The following NBAS variants were observed in gnomAD, a reference collection of about 807,000 sequenced individuals.
NBAS encodes NBAS subunit of NRZ tethering complex, also known as NAG/BC035112 fusion.
A neutral mutation model predicts 302.5 loss-of-function variants in NBAS; 219 were observed. That is an observed-to-expected ratio of 0.72 (90% CI 0.65 to 0.81). The LOEUF (loss-of-function observed/expected upper bound fraction) is 0.81, where lower values mean the gene tolerates loss of function less well. NBAS is among the 30% of genes least tolerant of loss of function. The probability of loss-of-function intolerance (pLI) is 0.00; values close to 1 mark genes in which losing one functional copy is unlikely to be tolerated. For missense variants in NBAS, 2,932 were observed against 2,841.6 expected (o/e 1.03, Z -0.72); for synonymous variants, 1,118 against 1,021.6 (o/e 1.09, Z -1.80).
chr2:15,475,853 T>A lies in NBAS; in HGVS notation c.1175A>T (p.Asp392Val). The A allele has an allele frequency of 3.7e-6, 6 of 1,613,914 alleles. No individual in the cohort carries two copies. Among genetic ancestry groups the A allele is most frequent in the Non-Finnish European group, 5.1e-6 (6 of 1,179,862 alleles). ...KDKESFYPLI[D>V]VNWWADSAVT... ...TGCACTGTCTGCCCACCAATTGACA[T>A]CTATCAGTGGGTAAAAGGACTCTTT... Residue 392 changes from aspartate (D) to valine (V), a missense_variant, in exon 14 of 52, where the codon GAT becomes GTT. Asp to Val is a radical substitution (Grantham distance 152). Transcript: ENST00000281513.
At chr2:15,541,501 T>C (rs1173681172) in intron 6 of NBAS, among the ~76,000 whole-genome samples, 1 of 152,088 alleles carries the variant, frequency 6.6e-6, no homozygotes, top group Non-Finnish European at 1.5e-5. Context: ...TTCTAGGGAA[T>C]ATATGGGGAA....
At chr2:15,412,537 T>G (rs1268079753) in intron 25 of NBAS, among the ~76,000 whole-genome samples, 3 of 152,354 alleles carry the variant, frequency 2.0e-5, no homozygotes, top group Non-Finnish European at 2.9e-5. Context: ...GATACAGAAA[T>G]AACTGCACCT....
chr2:14,784,689 G>A, the NBAS span, among the ~76,000 whole-genome samples: 2 of 152,064 alleles, frequency 1.3e-5, no homozygotes, highest in East Asian at 3.9e-4. Context: ...TCTCTGTTTT[G>A]GTACCAGTAC....
chr2:15,237,130 T>A (rs1667630716), intron 45 of NBAS, among the ~76,000 whole-genome samples: 1 of 152,220 alleles, frequency 6.6e-6, no homozygotes, highest in Admixed American at 6.5e-5. Flanking sequence ...GCAAATGGAA[T>A]ATTATTCATA....
chr2:15,199,119 T>C (rs1333412592), intron 48 of NBAS, among the ~76,000 whole-genome samples: 6 of 97,248 alleles, frequency 6.2e-5, no homozygotes, highest in Admixed American at 3.0e-4. Flanking sequence ...AGAGTAAGAC[T>C]CCATCTCAAA....
At chr2:15,438,261 G>A (rs1678131054) in intron 21 of NBAS, among the ~76,000 whole-genome samples, 1 of 152,160 alleles carries the variant, frequency 6.6e-6, no homozygotes, top group Non-Finnish European at 1.5e-5. Context: ...ACACCATGAG[G>A]TGGCTGGTGG....
chr2:15,401,174 T>C (rs942297499), intron 26 of NBAS, among the ~76,000 whole-genome samples: 2 of 152,078 alleles, frequency 1.3e-5, no homozygotes, highest in Non-Finnish European at 1.5e-5. Context: ...TACTTTGGTA[T>C]CATGCAAATA....
the NBAS span, among the ~76,000 whole-genome samples, chr2:15,032,360 T>C: frequency 1.2e-4 from 19 of 152,294 alleles, no homozygotes; most frequent in Admixed American, 1.2e-3. Flanking sequence ...AAATGAGGAT[T>C]GTATAACTGA....
intron 21 of NBAS, among the ~76,000 whole-genome samples, chr2:15,434,534 TA>T (rs1409835798): frequency 6.6e-6 from 1 of 152,198 alleles, no homozygotes; most frequent in Non-Finnish European, 1.5e-5. Context: ...GTCTCCCAAA[TA>T]AAACACTTAG....
chr2:15,050,528 T>G, the NBAS span, among the ~76,000 whole-genome samples: 11 of 152,078 alleles, frequency 7.2e-5, no homozygotes, highest in African/African-American at 2.7e-4. Context: ...ACACATGAAA[T>G]GGGATACTGA....
chr2:15,160,602 G>A, the NBAS span, among the ~76,000 whole-genome samples: 2 of 122,496 alleles, frequency 1.6e-5, no homozygotes, highest in Non-Finnish European at 3.4e-5. Flanking sequence ...AGGGGGGGGG[G>A]CAGGAGGCTG....
At chr2:14,971,744 C>G in the NBAS span, among the ~76,000 whole-genome samples, 1 of 152,148 alleles carries the variant, frequency 6.6e-6, no homozygotes, top group African/African-American at 2.4e-5. Flanking sequence ...CGGTGACTCA[C>G]CATGCTTGTG....
Position 15,427,703 on chromosome 2 carries a change from A to G in NBAS, c.2423+8T>C. On this transcript the variant is annotated splice_region_variant and intron_variant, in intron 22 of 51. Coordinates refer to ENST00000281513, the MANE Select transcript of NBAS (RefSeq NM_015909.4). ...AAACAAAGATGCCTCCTGCAGGCTC[A>G]TACTGACCTGCAAGCCAACTCCTCG... 6.2e-7 allele frequency: 1 copy of G among 1,603,234 alleles called. No individual in the cohort carries two copies. Among genetic ancestry groups the G allele is most frequent in the Non-Finnish European group, 8.5e-7 (1 of 1,171,972 alleles).
At chr2:14,874,088 C>T in the NBAS span, among the ~76,000 whole-genome samples, 2 of 151,902 alleles carry the variant, frequency 1.3e-5, no homozygotes, top group Non-Finnish European at 2.9e-5. Context: ...ACACAAACTA[C>T]TAATATAGAG....
chr2:15,533,526 C>T (rs1253401546), intron 9 of NBAS, among the ~76,000 whole-genome samples: 2 of 152,016 alleles, frequency 1.3e-5, no homozygotes, highest in Admixed American at 1.3e-4. Context: ...ATTCCATTTA[C>T]GTGAAGTCAA....
the NBAS span, among the ~76,000 whole-genome samples, chr2:14,907,027 G>T: frequency 2.6e-5 from 4 of 152,116 alleles, no homozygotes; most frequent in Admixed American, 2.6e-4. Flanking sequence ...CATGCCTGTC[G>T]CCCACTTCCT....
chr2:15,201,476 G>C (rs1665875388), intron 48 of NBAS, among the ~76,000 whole-genome samples: 1 of 152,142 alleles, frequency 6.6e-6, no homozygotes, highest in Non-Finnish European at 1.5e-5. Context: ...ACCAAAACCA[G>C]TCATAAGCTG....
intron 31 of NBAS, among the ~76,000 whole-genome samples, chr2:15,373,270 A>T (rs1674573696): frequency 6.6e-6 from 1 of 152,214 alleles, no homozygotes; most frequent in South Asian, 2.1e-4. Context: ...GATAGTTATA[A>T]TCACGTACAA....
At chr2:15,068,832 C>A in the NBAS span, among the ~76,000 whole-genome samples, 37 of 152,148 alleles carry the variant, frequency 2.4e-4, no homozygotes, top group Non-Finnish European at 5.1e-4. Flanking sequence ...TAACACAATA[C>A]CTGAAACTTG....
Sources: allele counts gnomAD v4.1 joint callset (sites outside exome capture counted in the v4.1 genomes callset), GRCh38; gene constraint gnomAD v4.1.1; transcripts MANE v1.5; gene names NCBI Gene and HGNC (gene_info 2026-07-23, HGNC 2026-07-21).